Variants in NCKAP5 observed in about 807,000 individuals in gnomAD.
NCKAP5 encodes nck-associated protein 5.
Under a neutral mutation model 167.0 loss-of-function variants are expected in NCKAP5, and 92 were observed. That is an observed-to-expected ratio of 0.55 (90% CI 0.47 to 0.66). NCKAP5 has a LOEUF of 0.66. Ranked by LOEUF, NCKAP5 falls within the 30% of genes least tolerant of loss-of-function variation. NCKAP5 has a pLI of 0.00. For synonymous variants in NCKAP5, 891 were observed against 877.4 expected, an observed-to-expected ratio of 1.02 and a Z score of -0.27; for missense variants, 2,378 against 2,315.0, an observed-to-expected ratio of 1.03 and a Z score of -0.56.
In NCKAP5 at chr2:133,339,285, T is replaced by C. The variant is rs72987696; in HGVS notation, c.70-36175A>G. On this transcript the variant is annotated intron_variant, in intron 3 of 19. Coordinates refer to ENST00000409261, the MANE Select transcript of NCKAP5 (RefSeq NM_207363.3). ...AAATAATGAGAAGTTTATGGAACTT[T>C]TTCTCTTTTGATCTTTAAAAAGAAC... Among the ~76,000 whole-genome samples the C allele has an allele frequency of 9.9e-3, 1,511 of 152,256 alleles. 25 individuals carry two copies. The highest frequency in any genetic ancestry group is 0.034 in the African/African-American group (1,405 of 41,558).
At chr2:133,359,860 ATAT>A (rs1270097622) in intron 3 of NCKAP5, among the ~76,000 whole-genome samples, 2 of 152,232 alleles carry the variant, frequency 1.3e-5, no homozygotes, top group African/African-American at 4.8e-5. Context: ...TTAAGAGAAG[ATAT>A]AGCCACCTTA....
At chr2:133,145,826 G>T (rs914615309) in intron 5 of NCKAP5, among the ~76,000 whole-genome samples, 2 of 151,976 alleles carry the variant, frequency 1.3e-5, no homozygotes, top group African/African-American at 2.4e-5. Flanking sequence ...GCACATTGCA[G>T]CTTTCCTGAA....
rs34476973 is a variant in NCKAP5 at position 133,026,378 on chromosome 2, GTT to G, written c.342-32141_342-32140del. ...CACAGTCAACTAAATCTGTTCTAGT[GTT>G]TTTTTTTTTTTTTAAGAACACAGTC... On this transcript the variant is annotated intron_variant, in intron 6 of 19. Coordinates refer to ENST00000409261, the MANE Select transcript of NCKAP5 (RefSeq NM_207363.3). 8.2e-3 allele frequency among the ~76,000 whole-genome samples: 1,179 copies of G among 144,016 alleles called. 8 individuals carry two copies. Among genetic ancestry groups the G allele is most frequent in the African/African-American group, 0.015 (592 of 39,060 alleles). 94.5% of individuals were successfully genotyped at this position (144,016 alleles called of 152,430 possible).
intron 19 of NCKAP5, among the ~76,000 whole-genome samples, chr2:132,676,538 C>G (rs768764553): frequency 6.6e-6 from 1 of 152,018 alleles, no homozygotes; most frequent in Non-Finnish European, 1.5e-5. Context: ...CGAACCTCAA[C>G]ATTGTCTTGT....
At chr2:133,670,246 C>T in the NCKAP5 span, among the ~76,000 whole-genome samples, 1 of 152,148 alleles carries the variant, frequency 6.6e-6, no homozygotes. Flanking sequence ...GTGTAGCATA[C>T]AGTGTAGTGC....
At chr2:133,040,263 G>A (rs980822711) in intron 6 of NCKAP5, among the ~76,000 whole-genome samples, 5 of 151,912 alleles carry the variant, frequency 3.3e-5, no homozygotes, top group African/African-American at 7.3e-5. Context: ...TAGTTCTTGC[G>A]CTTTTATATT....
chr2:132,895,786 C>T (rs1672893326), intron 8 of NCKAP5, among the ~76,000 whole-genome samples: 1 of 141,562 alleles, frequency 7.1e-6, no homozygotes, highest in Admixed American at 7.5e-5. Context: ...TTTCTTCAGG[C>T]CACACAGAGC....
intron 5 of NCKAP5, among the ~76,000 whole-genome samples, chr2:133,183,251 C>T (rs2084808816): frequency 6.6e-6 from 1 of 151,872 alleles, no homozygotes; most frequent in Admixed American, 6.6e-5. Context: ...GGAATACTTC[C>T]CAATTCATTT....
intron 19 of NCKAP5, among the ~76,000 whole-genome samples, chr2:132,702,042 A>G (rs1687937181): frequency 1.3e-5 from 2 of 152,192 alleles, no homozygotes; most frequent in Non-Finnish European, 2.9e-5. Context: ...ATGGTCTCAC[A>G]TGGTCTCCAA....
intron 3 of NCKAP5, among the ~76,000 whole-genome samples, chr2:133,448,831 G>A (rs1428579269): frequency 6.6e-6 from 1 of 151,912 alleles, no homozygotes. Flanking sequence ...CTATGGACGA[G>A]GTCTCACCAT....
intron 3 of NCKAP5, among the ~76,000 whole-genome samples, chr2:133,417,400 G>T (rs1375574591): frequency 6.6e-6 from 1 of 152,204 alleles, no homozygotes; most frequent in African/African-American, 2.4e-5. Flanking sequence ...CACTCCTAAA[G>T]ACTGCGCAGC....
chr2:133,285,947 G>C (rs961479019), intron 4 of NCKAP5, among the ~76,000 whole-genome samples: 2 of 151,842 alleles, frequency 1.3e-5, no homozygotes, highest in Non-Finnish European at 2.9e-5. Context: ...TCTAATAAAA[G>C]GTCAGGAATT....
intron 16 of NCKAP5, among the ~76,000 whole-genome samples, chr2:132,762,212 A>C (rs1681068520): frequency 6.6e-6 from 1 of 152,232 alleles, no homozygotes; most frequent in Non-Finnish European, 1.5e-5. Context: ...CACCCAGGCC[A>C]GTGCCCAGCA....
At chr2:133,562,133 A>T (rs1395418295) in intron 1 of NCKAP5, among the ~76,000 whole-genome samples, 1 of 152,000 alleles carries the variant, frequency 6.6e-6, no homozygotes, top group East Asian at 1.9e-4. Context: ...GGAATATTAC[A>T]TAAAAACAGC....
At chr2:133,616,760 C>G in the NCKAP5 span, among the ~76,000 whole-genome samples, 140 of 151,966 alleles carry the variant, frequency 9.2e-4, no homozygotes, top group African/African-American at 3.1e-3. Flanking sequence ...TGAAACTATT[C>G]CAATCAATAG....
chr2:132,863,442 G>GTTACCCATCTGA (rs1690093852), intron 10 of NCKAP5, among the ~76,000 whole-genome samples: 1 of 105,406 alleles, frequency 9.5e-6, no homozygotes, highest in Non-Finnish European at 1.8e-5. Flanking sequence ...GAGTTCTTCA[G>GTTACCCATCTGA]ATGGGTAAAA....
At chr2:132,751,634 G>T (rs565622586) in intron 16 of NCKAP5, among the ~76,000 whole-genome samples, 1 of 152,156 alleles carries the variant, frequency 6.6e-6, no homozygotes, top group Non-Finnish European at 1.5e-5. Flanking sequence ...ATCATCCTGG[G>T]ACACTTCATT....
intron 8 of NCKAP5, among the ~76,000 whole-genome samples, chr2:132,879,338 G>C (rs76242205): frequency 0.021 from 3,234 of 152,312 alleles, 121 homozygotes; most frequent in African/African-American, 0.074. Flanking sequence ...AGTCATGAAA[G>C]CATAATTCCA....
At chr2:133,209,276 C>A (rs2086101186) in intron 5 of NCKAP5, among the ~76,000 whole-genome samples, 2 of 151,210 alleles carry the variant, frequency 1.3e-5, no homozygotes, top group African/African-American at 4.9e-5. Context: ...AATATAATCT[C>A]AGAGAGTTTG....
Sources: allele counts gnomAD v4.1 joint callset (sites outside exome capture counted in the v4.1 genomes callset), GRCh38; gene constraint gnomAD v4.1.1; transcripts MANE v1.5; gene names NCBI Gene and HGNC (gene_info 2026-07-23, HGNC 2026-07-21).